Variants in KCNH4 observed in about 807,000 individuals in gnomAD.
KCNH4 encodes potassium voltage-gated channel subfamily H member 4.
KCNH4 carries 33 observed loss-of-function variants against 90.7 expected under a neutral mutation model. That is an observed-to-expected ratio of 0.36 (90% CI 0.28 to 0.49). KCNH4 has a LOEUF of 0.49. Among genes scored for constraint, KCNH4 ranks in the 20% least tolerant of loss-of-function variants. The pLI, the probability that KCNH4 is intolerant of heterozygous loss-of-function variation, is 0.98. For synonymous variants in KCNH4, 551 were observed against 581.7 expected, an observed-to-expected ratio of 0.95 and a Z score of 0.76; for missense variants, 1,044 against 1,387.1, an observed-to-expected ratio of 0.75 and a Z score of 3.93.
rs756093013 is a variant in KCNH4 at position 42,178,359 on chromosome 17, G to A, written c.429C>T (p.Pro143=). 7 of 1,614,228 alleles carry A rather than the reference G, an allele frequency of 4.3e-6. No individual in the cohort carries two copies. The East Asian group carries it at 6.7e-5, about 15-fold the overall frequency. ...ITQSGSPGLG[P]QGGRGDSNHE... is the part of the protein sequence containing the mutation. ...GATTACTGTCCCCGCGGCCTCCTTG[G>A]GGGCCAAGTCCTGGGCTTCCACTCT... The change falls in exon 3 of 17, where the codon CCC becomes CCT. Residue 143 remains proline (P), a synonymous_variant. Coordinates refer to ENST00000264661, the MANE Select transcript of KCNH4 (RefSeq NM_012285.3).
At chr17:42,160,995 C>G (rs1000734032) in intron 15 of KCNH4, among the ~76,000 whole-genome samples, 1 of 133,900 alleles carries the variant, frequency 7.5e-6, no homozygotes, top group African/African-American at 2.8e-5. Context: ...GGCGCGATCT[C>G]AGCTCACTGC....
rs1463244034 is a variant in KCNH4, at chr17:42,176,144, T to C, written c.739A>G (p.Asn247Asp). Residue 247 changes from asparagine (N) to aspartate (D), a missense_variant, in exon 5 of 17, where the codon AAT (asparagine) becomes GAT (aspartate). Asn to Asp is a conservative substitution (Grantham distance 23). This residue lies in a region of KCNH4 where 283 missense variants were observed against 378.6 expected (regional missense o/e 0.75). Transcript: ENST00000264661. ...TFYVAVTVPY[N>D]VCFSGDDDTP... The stretch of plus-strand genomic sequence containing the variant: ...TCATCGTCACCCGAGAAACAGACAT[T>C]GTAGGGGACGGTGACCGCAACGTAG... The C allele has an allele frequency of 6.2e-7, 1 of 1,613,306 alleles. No individual in the cohort carries two copies. The highest frequency in any genetic ancestry group is 8.5e-7 in the Non-Finnish European group (1 of 1,179,748).
intron 9 of KCNH4, among the ~76,000 whole-genome samples, chr17:42,169,050 T>C (rs965960150): frequency 6.6e-6 from 1 of 151,780 alleles, no homozygotes; most frequent in Admixed American, 6.6e-5. Flanking sequence ...GGATTACAGG[T>C]GTGAGCCACT....
At chr17:42,170,076 C>A (rs766337098) in intron 8 of KCNH4, 31 bp downstream of exon 8, 9 of 1,553,670 alleles carry the variant, frequency 5.8e-6, no homozygotes, top group Non-Finnish European at 7.0e-6. Context: ...CTTCGCAGGG[C>A]CCCACTGAGG....
Position 42,163,132 on chromosome 17 carries a change from C to T in KCNH4, c.2584+96G>A, listed in dbSNP as rs2079760070. The stretch of plus-strand genomic sequence containing the variant: ...TTTTATCTGTGTATTCCCAGGATGG[C>T]ACCTGGCACATGGTAGGCCCCTACT... On this transcript the variant is annotated intron_variant, in intron 14 of 16. Transcript: ENST00000264661. The surrounding 1 kb of genome is among the most constrained non-coding windows in gnomAD (Gnocchi z 5.4). 2.4e-6 allele frequency: 2 copies of T among 846,882 alleles called. No individual in the cohort carries two copies. The highest frequency in any genetic ancestry group is 4.9e-5 in the East Asian group (2 of 41,188). The allele number at this position is 846,882 out of a possible 1,614,324, so 52.5% of individuals were successfully genotyped here.
At position 42,162,337 on chromosome 17, in the gene KCNH4, A is replaced by T; in HGVS notation, c.2585-16T>A. 6.2e-7 allele frequency: 1 copy of T among 1,610,882 alleles called. No homozygotes were observed. The highest frequency in any genetic ancestry group is 1.7e-5 in the Admixed American group (1 of 59,870). ...GGCCTGGTCCCTGCAGGGTGAAGGG[A>T]TGCAGGTGAGTTCATGGAGCATTAA... On this transcript the variant is annotated splice_polypyrimidine_tract_variant and intron_variant, in intron 14 of 16. Transcript: ENST00000264661.
chr17:42,175,948 A>T (rs992083716), intron 5 of KCNH4, 106 bp downstream of exon 5: 1 of 1,357,364 alleles, frequency 7.4e-7, no homozygotes, highest in Admixed American at 2.1e-5. Flanking sequence ...GCAGAAAGGA[A>T]GGGGCTCTGA....
chr17:42,158,632 G>A (rs140714709), intron 16 of KCNH4, among the ~76,000 whole-genome samples: 11,651 of 151,180 alleles, frequency 0.077, 542 homozygotes, highest in African/African-American at 0.14. Context: ...TCAGGAGATT[G>A]AGACCATCCT....
chr17:42,161,742 G>T (rs189170728), intron 15 of KCNH4, among the ~76,000 whole-genome samples: 2 of 152,312 alleles, frequency 1.3e-5, no homozygotes, highest in Admixed American at 1.3e-4. Context: ...AAACCAACTG[G>T]TACGGAGTGC....
intron 4 of KCNH4, 116 bp from the exon 5 acceptor site, chr17:42,176,413 G>T: frequency 1.1e-6 from 1 of 875,824 alleles, no homozygotes; most frequent in South Asian, 1.6e-5. Flanking sequence ...GGGCACTTTT[G>T]ACCATGAATG....
intron 15 of KCNH4, 131 bp from the exon 16 acceptor site, chr17:42,160,566 G>T: frequency 1.1e-6 from 1 of 928,274 alleles, no homozygotes; most frequent in South Asian, 1.9e-5. Flanking sequence ...GCAGGATGAG[G>T]GTTATTTTTG....
intron 2 of KCNH4, 51 bp downstream of exon 2, chr17:42,178,742 G>T: frequency 6.7e-7 from 1 of 1,503,560 alleles, no homozygotes. Context: ...GTGCCCTCTG[G>T]ATAAGGCTAG....
Position 42,163,629 on chromosome 17 carries a change from A to G in KCNH4, c.2454T>C (p.Phe818=). 1 of 1,494,818 alleles carries G rather than the reference A, an allele frequency of 6.7e-7. No homozygotes were observed. The highest frequency in any genetic ancestry group is 9.0e-7 in the Non-Finnish European group (1 of 1,116,032). The allele number at this position is 1,494,818 out of a possible 1,614,324, so 92.6% of individuals were successfully genotyped here. A position where few individuals can be genotyped will look rare whatever the true frequency, so the allele number is the denominator to read the frequency against. The change falls in exon 13 of 17, where the codon TTT becomes TTC. Residue 818 remains phenylalanine (F), a synonymous_variant. Coordinates refer to ENST00000264661, the MANE Select transcript of KCNH4 (RefSeq NM_012285.3). This position sits in a 1 kb window ranked among gnomAD's most constrained non-coding sequence, Gnocchi z 5.4. ...PQLLIPPLGT[F]GPPDLSPRIV... ...ACCGGGGACTGAGGTCCGGAGGTCC[A>G]AAGGTTCCCAGTGGGGGAATGAGAA...
intron 6 of KCNH4, among the ~76,000 whole-genome samples, chr17:42,175,218 C>T (rs1041913974): frequency 6.6e-6 from 1 of 152,270 alleles, no homozygotes; most frequent in Non-Finnish European, 1.5e-5. Flanking sequence ...CCTTTCCCCA[C>T]AGTGGCCATG....
chr17:42,163,595 TG>T lies in KCNH4; in HGVS notation c.2477+10del. The T allele has an allele frequency of 8.0e-7, 1 of 1,248,516 alleles. No homozygotes were observed. Among genetic ancestry groups the T allele is most frequent in the Non-Finnish European group, 1.1e-6 (1 of 892,332 alleles). The allele number at this position is 1,248,516 out of a possible 1,614,324, so 77.3% of individuals were successfully genotyped here. A position where few individuals can be genotyped will look rare whatever the true frequency, so the allele number is the denominator to read the frequency against. The stretch of plus-strand genomic sequence containing the variant: ...GGGGTTTTGGGAAAGCAGGGGAGGC[TG>T]GCGTCTCACCGGGGACTGAGGTCCG... On this transcript the variant is annotated intron_variant, in intron 13 of 16. Transcript: ENST00000264661. This position sits in a 1 kb window ranked among gnomAD's most constrained non-coding sequence, Gnocchi z 5.4.
chr17:42,166,278 A>G lies in KCNH4; in HGVS notation c.1840+19T>C, dbSNP rs28459794. On this transcript the variant is annotated intron_variant, in intron 10 of 16. Coordinates refer to ENST00000264661, the MANE Select transcript of KCNH4 (RefSeq NM_012285.3). ...GGGGTGGTTCCAGGGTAGGTAGTAG[A>G]GGGTGACGGTGTCCTTACCCAGGAT... is the stretch of plus-strand genomic sequence containing the variant. 239,288 of 1,581,044 alleles carry G rather than the reference A, an allele frequency of 0.15. 22,051 individuals carry two copies. Among genetic ancestry groups the G allele is most frequent in the East Asian group, 0.39 (16,899 of 43,080 alleles).
chr17:42,175,617 G>A lies in KCNH4; in HGVS notation c.949C>T (p.Leu317=), dbSNP rs750756651. 6.2e-7 allele frequency: 1 copy of A among 1,614,218 alleles called. No homozygotes were observed. Among genetic ancestry groups the A allele is most frequent in the South Asian group, 1.1e-5 (1 of 91,082 alleles). ...TWFFIDLIAA[L]PFDLLYIFNI... ...AAGATGTAAAGCAGGTCAAAGGGCA[G>A]AGCAGCAATAAGGTCGATGAAGAAC... The change falls in exon 6 of 17, where the codon CTG becomes TTG. Residue 317 remains leucine, a synonymous_variant. Transcript: ENST00000264661.
chr17:42,168,982 AG>A (rs1487497102), intron 9 of KCNH4, among the ~76,000 whole-genome samples: 1 of 152,156 alleles, frequency 6.6e-6, no homozygotes, highest in African/African-American at 2.4e-5. Context: ...CGTGTTAGCC[AG>A]GATGGTCTCG....
intron 7 of KCNH4, 131 bp downstream of exon 7, chr17:42,171,657 A>G: frequency 1.1e-6 from 1 of 887,898 alleles, no homozygotes. Context: ...TGATCCAGAA[A>G]GAGCTCAACG....
Sources: allele counts gnomAD v4.1 joint callset (sites outside exome capture counted in the v4.1 genomes callset), GRCh38; gene constraint gnomAD v4.1.1; regional missense constraint gnomAD v4.1.1; non-coding constraint Gnocchi (gnomAD v3.1); transcripts MANE v1.5; gene names NCBI Gene and HGNC (gene_info 2026-07-23, HGNC 2026-07-21).